The following CATSPERT variants were observed in gnomAD, a reference collection of about 807,000 sequenced individuals.
The protein encoded by CATSPERT is catsper channel auxiliary subunit tau, also known as cation channel sperm-associated targeting subunit tau.
At chr2:201,524,938 C>G in the CATSPERT span, among the ~76,000 whole-genome samples, 2 of 152,100 alleles carry the variant, frequency 1.3e-5, no homozygotes, top group Non-Finnish European at 2.9e-5. Context: ...ATATATGCAC[C>G]CAACACTGGA....
the CATSPERT span, chr2:201,511,859 A>AC: frequency 1.2e-4 from 18 of 149,988 alleles, no homozygotes; most frequent in Non-Finnish European, 2.2e-4. Context: ...AAAAAAAAAA[A>AC]AAAAAAAAAA....
the CATSPERT span, among the ~76,000 whole-genome samples, chr2:201,578,121 A>G: frequency 2.6e-5 from 4 of 152,324 alleles, no homozygotes; most frequent in Non-Finnish European, 5.9e-5. Context: ...GAAACATACT[A>G]CATTTAGAAA....
chr2:201,487,844 T>A, the CATSPERT span: 1 of 1,614,078 alleles, frequency 6.2e-7, no homozygotes, highest in Non-Finnish European at 8.5e-7. Flanking sequence ...TGATTTTACT[T>A]TTTTAAGGTG....
At chr2:201,557,117 C>T in the CATSPERT span, 1 of 152,146 alleles carries the variant, frequency 6.6e-6, no homozygotes, top group Non-Finnish European at 1.5e-5. Flanking sequence ...CTTCAAGTTA[C>T]ATTATTTCTC....
chr2:201,542,471 A>AT, the CATSPERT span, among the ~76,000 whole-genome samples: 1 of 152,160 alleles, frequency 6.6e-6, no homozygotes, highest in Non-Finnish European at 1.5e-5. Context: ...CAGCTGCATC[A>AT]TTTTACATTC....
chr2:201,566,915 A>G, the CATSPERT span, among the ~76,000 whole-genome samples: 4 of 152,218 alleles, frequency 2.6e-5, no homozygotes, highest in East Asian at 5.8e-4. Context: ...CAGCAAGCCC[A>G]TCAGATGAGA....
At chr2:201,532,925 G>T in the CATSPERT span, among the ~76,000 whole-genome samples, 1 of 152,140 alleles carries the variant, frequency 6.6e-6, no homozygotes, top group Non-Finnish European at 1.5e-5. Flanking sequence ...ATCTGTTAAG[G>T]CCTCAAAAAG....
chr2:201,554,434 T>C, the CATSPERT span: 2 of 152,162 alleles, frequency 1.3e-5, no homozygotes, highest in Non-Finnish European at 2.9e-5. Context: ...TGACACGATA[T>C]TCTAAAAATT....
chr2:201,545,468 C>T, the CATSPERT span: 1 of 999,514 alleles, frequency 1.0e-6, no homozygotes, highest in Non-Finnish European at 1.5e-6. Flanking sequence ...AAGCAAATTA[C>T]TAATTGTCTT....
At chr2:201,515,962 G>A in the CATSPERT span, among the ~76,000 whole-genome samples, 2 of 152,314 alleles carry the variant, frequency 1.3e-5, no homozygotes, top group South Asian at 4.2e-4. Flanking sequence ...GTATTCATGT[G>A]CCAATTAACA....
At chr2:201,617,421 G>A in the CATSPERT span, among the ~76,000 whole-genome samples, 3 of 152,122 alleles carry the variant, frequency 2.0e-5, no homozygotes, top group East Asian at 1.9e-4. Context: ...ACAACCATCC[G>A]ATCTTTGACA....
chr2:201,539,746 A>G, the CATSPERT span, among the ~76,000 whole-genome samples: 1 of 151,992 alleles, frequency 6.6e-6, no homozygotes, highest in African/African-American at 2.4e-5. Context: ...ACACAACAAT[A>G]TTGAAATTAG....
chr2:201,581,519 TATATAA>T, the CATSPERT span, among the ~76,000 whole-genome samples: 12 of 75,046 alleles, frequency 1.6e-4, no homozygotes, highest in African/African-American at 6.8e-4. Context: ...TATATATATA[TATATAA>T]AATATTCTGG....
At chr2:201,497,458 A>T in the CATSPERT span, among the ~76,000 whole-genome samples, 1 of 152,370 alleles carries the variant, frequency 6.6e-6, no homozygotes, top group South Asian at 2.1e-4. Context: ...AGAAAAATTT[A>T]AAAAAGAAAC....
chr2:201,590,906 C>T, the CATSPERT span, among the ~76,000 whole-genome samples: 9 of 151,688 alleles, frequency 5.9e-5, no homozygotes, highest in South Asian at 1.3e-3. Context: ...GAGTAGGTTG[C>T]GAAAATTTTC....
the CATSPERT span, among the ~76,000 whole-genome samples, chr2:201,488,220 A>C: frequency 3.9e-5 from 6 of 152,336 alleles, no homozygotes; most frequent in Non-Finnish European, 5.9e-5. Context: ...GAAACCTGAA[A>C]AACTTGAGAG....
the CATSPERT span, among the ~76,000 whole-genome samples, chr2:201,593,425 G>A: frequency 6.6e-6 from 1 of 151,696 alleles, no homozygotes; most frequent in African/African-American, 2.4e-5. Flanking sequence ...TTTGGAATAG[G>A]TGTGTTACGG....
the CATSPERT span, among the ~76,000 whole-genome samples, chr2:201,521,286 T>C: frequency 6.6e-6 from 1 of 152,138 alleles, no homozygotes; most frequent in Non-Finnish European, 1.5e-5. Flanking sequence ...CTGGGTAATT[T>C]ATGAAGAAAA....
the CATSPERT span, among the ~76,000 whole-genome samples, chr2:201,576,980 A>C: frequency 1.3e-5 from 2 of 152,196 alleles, no homozygotes; most frequent in African/African-American, 4.8e-5. Context: ...TCTCTGCTGT[A>C]ATGAGTAGGT....
Sources: gnomAD v4.1 joint callset for allele counts (sites outside exome capture counted in the v4.1 genomes callset) on GRCh38, gnomAD v4.1.1 for gene constraint, MANE v1.5 for transcripts, NCBI Gene and HGNC (gene_info 2026-07-23, HGNC 2026-07-21) for gene names.